Variants in NUP58 observed in about 807,000 individuals in gnomAD.
The protein encoded by NUP58 is nucleoporin 58.
In NUP58, 17 loss-of-function variants were observed where a neutral mutation model predicts 70.1. That is an observed-to-expected ratio of 0.24 (90% confidence interval 0.17 to 0.36). NUP58 has a LOEUF of 0.36. Among genes scored for constraint, NUP58 ranks in the 10% least tolerant of loss-of-function variants. The pLI, the probability that NUP58 is intolerant of heterozygous loss-of-function variation, is 1.00. For missense variants in NUP58, 644 were observed against 701.5 expected, an observed-to-expected ratio of 0.92 and a Z score of 0.93; for synonymous variants, 275 against 257.6, an observed-to-expected ratio of 1.07 and a Z score of -0.65.
At chr13:25,332,176 G>A in intron 13 of NUP58, 1 of 985,984 alleles carries the variant, frequency 1.0e-6, no homozygotes, top group Non-Finnish European at 1.2e-6. Flanking sequence ...GCAGGAAAAA[G>A]ATGTTTTGAG....
intron 13 of NUP58, chr13:25,333,833 T>G (rs924197790): frequency 2.0e-6 from 2 of 985,294 alleles, no homozygotes; most frequent in African/African-American, 3.5e-5. Context: ...TAGAGAGAGC[T>G]TATGCATTGT....
At chr13:25,314,747 C>G (rs1300769977) in intron 5 of NUP58, among the ~76,000 whole-genome samples, 1 of 152,064 alleles carries the variant, frequency 6.6e-6, no homozygotes, top group Non-Finnish European at 1.5e-5. Flanking sequence ...ACACAAGATG[C>G]TTGAAATTTT....
In NUP58 at chr13:25,307,926, C is replaced by T. The variant is rs757945574; in HGVS notation, c.228C>T (p.Phe76=). ...GLFGSKPATG[F]TLGGTNTGIA... ...TTGGATCTAAACCTGCCACTGGGTT[C>T]ACTCTAGGAGGAACAAATACAGGTG... Residue 76 remains phenylalanine, a synonymous_variant, in exon 2 of 16, where the codon TTC becomes TTT. Coordinates refer to ENST00000381736, the MANE Select transcript of NUP58 (RefSeq NM_014089.4). 1 of 1,614,010 alleles carries T rather than the reference C, an allele frequency of 6.2e-7. No individual in the cohort carries two copies. The highest frequency in any genetic ancestry group is 8.5e-7 in the Non-Finnish European group (1 of 1,180,016).
At position 25,341,153 on chromosome 13, in the gene NUP58, T is replaced by C. The variant is rs1197305852; in HGVS notation, c.*1019T>C. 2 of 152,228 alleles carry C rather than the reference T, an allele frequency of 1.3e-5. No individual in the cohort carries two copies. The highest frequency in any genetic ancestry group is 4.8e-5 in the African/African-American group (2 of 41,448). The allele number at this position is 152,228 out of a possible 1,614,324, so 9.4% of individuals were successfully genotyped here. A position where few individuals can be genotyped will look rare whatever the true frequency, so the allele number is the denominator to read the frequency against. On this transcript the variant is annotated 3_prime_UTR_variant, in exon 16 of 16. Transcript: ENST00000381736. ...CTCAACTTTATTGCCCCTGATCTTT[T>C]CCATTTTTGTTTCCACCTTAACCTA...
intron 3 of NUP58, chr13:25,309,872 G>A (rs545172816): frequency 2.1e-5 from 4 of 188,954 alleles, no homozygotes; most frequent in Non-Finnish European, 4.6e-5. Flanking sequence ...AAAAGGAAAT[G>A]AAAGAACATT....
chr13:25,319,769 T>C (rs942373736), intron 7 of NUP58, among the ~76,000 whole-genome samples: 14 of 152,136 alleles, frequency 9.2e-5, no homozygotes, highest in African/African-American at 2.9e-4. Context: ...ATCATATATA[T>C]GTTTGAAGAT....
intron 1 of NUP58, among the ~76,000 whole-genome samples, chr13:25,305,312 T>C (rs1427856742): frequency 6.6e-6 from 1 of 151,948 alleles, no homozygotes; most frequent in Non-Finnish European, 1.5e-5. Context: ...CACGCCTGGC[T>C]AATTTTTGTT....
At chr13:25,329,518 C>T (rs2031528050) in intron 12 of NUP58, among the ~76,000 whole-genome samples, 1 of 152,182 alleles carries the variant, frequency 6.6e-6, no homozygotes, top group Non-Finnish European at 1.5e-5. Context: ...TTGACCTACT[C>T]TTTAAGCAAC....
intron 8 of NUP58, 143 bp from the exon 9 acceptor site, chr13:25,320,776 T>C: frequency 1.4e-6 from 1 of 728,264 alleles, no homozygotes; most frequent in South Asian, 2.2e-5. Flanking sequence ...TTGTATAACT[T>C]CCATTCTGTA....
chr13:25,309,703 C>T (rs1012369118), intron 3 of NUP58, among the ~76,000 whole-genome samples: 1 of 152,082 alleles, frequency 6.6e-6, no homozygotes, highest in Non-Finnish European at 1.5e-5. Flanking sequence ...TATCCAAAGA[C>T]ATAATACTTT....
Position 25,306,695 on chromosome 13 carries a change from A to G in NUP58, c.108-1111A>G, listed in dbSNP as rs537730823. Among the ~76,000 whole-genome samples, 392 of 152,364 alleles carry G rather than the reference A, an allele frequency of 2.6e-3. 2 individuals are homozygous for G. Among genetic ancestry groups the G allele is most frequent in the African/African-American group, 9.1e-3 (379 of 41,588 alleles). On this transcript the variant is annotated intron_variant, in intron 1 of 15. Coordinates refer to ENST00000381736, the MANE Select transcript of NUP58 (RefSeq NM_014089.4). ...ATAGTCTCCCTTAAATCTCCTACAT[A>G]ATTTTGGAAGTGTCAACTTGTCAAA...
At position 25,321,102 on chromosome 13, in the gene NUP58, A is replaced by G. The variant is rs1195522647; in HGVS notation, c.951+9A>G. On this transcript the variant is annotated intron_variant, in intron 9 of 15. Coordinates refer to ENST00000381736, the MANE Select transcript of NUP58 (RefSeq NM_014089.4). ...AAATAGAAACTGCTCAGGTATACCA[A>G]CTTATGGCCATTTTACCGTAGGGTT... The G allele has an allele frequency of 1.3e-6, 2 of 1,564,324 alleles. No individual in the cohort carries two copies. The highest frequency in any genetic ancestry group is 2.3e-5 in the East Asian group (1 of 42,942).
chr13:25,317,629 A>T (rs1041099759), intron 6 of NUP58: 5 of 152,198 alleles, frequency 3.3e-5, no homozygotes, highest in African/African-American at 1.2e-4. Context: ...AAAGTTGGTG[A>T]ATTATTTGGA....
At chr13:25,331,679 CA>C in intron 13 of NUP58, 121 bp downstream of exon 13, 1 of 1,477,214 alleles carries the variant, frequency 6.8e-7, no homozygotes, top group Non-Finnish European at 9.0e-7. Context: ...TGTTCCAATA[CA>C]ATCTAAAATT....
chr13:25,326,931 G>C lies in NUP58; in HGVS notation c.1047G>C (p.Leu349Phe). The C allele has an allele frequency of 6.3e-7, 1 of 1,578,726 alleles. No individual in the cohort carries two copies. Among genetic ancestry groups the C allele is most frequent in the Non-Finnish European group, 8.6e-7 (1 of 1,162,494 alleles). The change falls in exon 11 of 16, where the codon TTG becomes TTC. Residue 349 changes from leucine to phenylalanine, a missense_variant. Physicochemically the swap from Leu to Phe is conservative, Grantham distance 22. This residue lies in a region of NUP58 where 430 missense variants were observed against 409.2 expected (regional missense o/e 1.05). Coordinates refer to ENST00000381736, the MANE Select transcript of NUP58 (RefSeq NM_014089.4). ...TTTTTTAAAGCTACTTCAGAATCTT[G>C]GTTCAGCAATTTGAGGTACAGCTTC... The part of the protein sequence containing the change: ...YAAPADYFRI[L>F]VQQFEVQLQQ...
chr13:25,307,732 T>A lies in NUP58; in HGVS notation c.108-74T>A, dbSNP rs2030441944. ...TTGAAGAGTTAATTTTTATTTTTCT[T>A]AAGTAAATATTGGCTCTAGTAGACC... On this transcript the variant is annotated intron_variant, in intron 1 of 15. Coordinates refer to ENST00000381736, the MANE Select transcript of NUP58 (RefSeq NM_014089.4). 2.1e-6 allele frequency: 3 copies of A among 1,400,726 alleles called. No homozygotes were observed. The South Asian group carries it at 3.8e-5, about 18-fold the overall frequency. 86.8% of individuals were successfully genotyped at this position (1,400,726 alleles called of 1,614,324 possible). A position where few individuals can be genotyped will look rare whatever the true frequency, so the allele number is the denominator to read the frequency against.
chr13:25,349,061 C>T (rs1038192642), intron 3 of NUP58, among the ~76,000 whole-genome samples: 3 of 152,160 alleles, frequency 2.0e-5, no homozygotes, highest in Admixed American at 6.5e-5. Flanking sequence ...CTACCCCCGA[C>T]AAAGTTAGTT....
downstream of NUP58, among the ~76,000 whole-genome samples, chr13:25,346,737 T>C (rs2032055303): frequency 6.7e-6 from 1 of 149,246 alleles, no homozygotes; most frequent in South Asian, 2.1e-4. Context: ...AAAAAAAAGA[T>C]ACAAGAAAAA....
intron 6 of NUP58, among the ~76,000 whole-genome samples, chr13:25,317,002 C>T (rs2030962091): frequency 6.6e-6 from 1 of 152,056 alleles, no homozygotes; most frequent in Admixed American, 6.5e-5. Flanking sequence ...ATCCCAGTTC[C>T]CTTTTATCTA....
Sources: gnomAD v4.1 joint callset for allele counts (sites outside exome capture counted in the v4.1 genomes callset) on GRCh38, gnomAD v4.1.1 for gene constraint, gnomAD v4.1.1 regional missense constraint, MANE v1.5 for transcripts, NCBI Gene and HGNC (gene_info 2026-07-23, HGNC 2026-07-21) for gene names.